Variants in SPOCK3 observed in about 807,000 individuals in gnomAD.
The protein encoded by SPOCK3 is testican-3.
Under a neutral mutation model 56.6 loss-of-function variants are expected in SPOCK3, and 30 were observed. That is an observed-to-expected ratio of 0.53 (90% CI 0.40 to 0.72). The LOEUF is 0.72. Ranked by LOEUF, SPOCK3 falls within the 30% of genes least tolerant of loss-of-function variation. The pLI is 0.00. For synonymous variants in SPOCK3, 196 were observed against 183.3 expected, an observed-to-expected ratio of 1.07 and a Z score of -0.56; for missense variants, 527 against 530.0, an observed-to-expected ratio of 0.99 and a Z score of 0.06.
chr4:167,175,152 C>G (rs1239289648), intron 2 of SPOCK3, among the ~76,000 whole-genome samples: 1 of 152,088 alleles, frequency 6.6e-6, no homozygotes, highest in Admixed American at 6.6e-5. Flanking sequence ...TCTGATGCCA[C>G]TAAAGGAAAT....
At chr4:166,902,547 T>C (rs1465666724) in intron 5 of SPOCK3, among the ~76,000 whole-genome samples, 4 of 151,948 alleles carry the variant, frequency 2.6e-5, no homozygotes, top group Admixed American at 6.6e-5. Context: ...CCTTTTTGGG[T>C]TATTTTTCAG....
intron 6 of SPOCK3, among the ~76,000 whole-genome samples, chr4:166,826,102 AG>A (rs775454690): frequency 2.0e-5 from 3 of 152,134 alleles, no homozygotes; most frequent in Non-Finnish European, 4.4e-5. Context: ...GATGTGGGTA[AG>A]GATTAGATAA....
intron 6 of SPOCK3, among the ~76,000 whole-genome samples, chr4:166,852,219 G>A (rs1730197404): frequency 6.6e-6 from 1 of 151,984 alleles, no homozygotes; most frequent in Non-Finnish European, 1.5e-5. Context: ...AGTGGGTGCA[G>A]CACACCAGCA....
At chr4:167,194,775 G>C (rs1732782034) in intron 2 of SPOCK3, among the ~76,000 whole-genome samples, 1 of 152,158 alleles carries the variant, frequency 6.6e-6, no homozygotes, top group South Asian at 2.1e-4. Context: ...ATTGTCTCCA[G>C]GACCTTGGCC....
At chr4:167,010,766 T>C (rs1373281796) in intron 3 of SPOCK3, among the ~76,000 whole-genome samples, 1 of 152,082 alleles carries the variant, frequency 6.6e-6, no homozygotes, top group African/African-American at 2.4e-5. Flanking sequence ...AATTTGATGA[T>C]TTGAAATTAG....
At chr4:166,887,982 G>A (rs5028425) in intron 6 of SPOCK3, among the ~76,000 whole-genome samples, 109,216 of 151,898 alleles carry the variant, frequency 0.72, 39,566 homozygotes, top group South Asian at 0.79. Flanking sequence ...TTTCAAATCG[G>A]CTAATTTATT....
chr4:166,906,483 A>T (rs74807736), intron 5 of SPOCK3, among the ~76,000 whole-genome samples: 3 of 45,904 alleles, frequency 6.5e-5, no homozygotes, highest in Non-Finnish European at 1.4e-4. Flanking sequence ...TTGGCTACAT[A>T]AAAAAAAAAA....
intron 7 of SPOCK3, among the ~76,000 whole-genome samples, chr4:166,776,636 G>C (rs1367786141): frequency 1.3e-5 from 2 of 152,028 alleles, no homozygotes; most frequent in African/African-American, 4.8e-5. Context: ...TTAGCTGGCA[G>C]GTACAGCTTA....
chr4:167,209,981 G>C (rs1445308213), intron 2 of SPOCK3, among the ~76,000 whole-genome samples: 1 of 152,082 alleles, frequency 6.6e-6, no homozygotes, highest in Admixed American at 6.6e-5. Flanking sequence ...AACTGCAAAA[G>C]TCTTCCTCTG....
At chr4:166,982,777 T>A (rs1313134872) in intron 4 of SPOCK3, among the ~76,000 whole-genome samples, 1 of 152,186 alleles carries the variant, frequency 6.6e-6, no homozygotes, top group Non-Finnish European at 1.5e-5. Context: ...ACATAACATG[T>A]AAAACTCAAG....
chr4:167,176,734 G>T (rs1022640574), intron 2 of SPOCK3, among the ~76,000 whole-genome samples: 1 of 152,068 alleles, frequency 6.6e-6, no homozygotes, highest in African/African-American at 2.4e-5. Flanking sequence ...ACTGGACAGG[G>T]TAGAAATAAG....
intron 2 of SPOCK3, among the ~76,000 whole-genome samples, chr4:167,152,999 C>T (rs1308073120): frequency 1.3e-5 from 2 of 152,128 alleles, no homozygotes; most frequent in Non-Finnish European, 2.9e-5. Context: ...TCATATCTAT[C>T]ATTTATTGAT....
chr4:166,841,771 T>C (rs558146348), intron 6 of SPOCK3, among the ~76,000 whole-genome samples: 1 of 152,376 alleles, frequency 6.6e-6, no homozygotes, highest in African/African-American at 2.4e-5. Context: ...GTACAGCCTA[T>C]ATGATGCCTT....
rs1560881963 is a variant in SPOCK3 at position 166,809,655 on chromosome 4, A to G, written c.590-17366T>C. 2.0e-5 allele frequency among the ~76,000 whole-genome samples: 3 copies of G among 152,074 alleles called. No individual in the cohort carries two copies. The South Asian group carries it at 6.2e-4, about 31-fold the overall frequency. ...TGTTTTTGCTTCATCAATACGATAA[A>G]GCTAATGACATTTACTTTGCTATGT... is the stretch of plus-strand genomic sequence containing the variant. On this transcript the variant is annotated intron_variant, in intron 6 of 10. Coordinates refer to ENST00000357545, the MANE Select transcript of SPOCK3 (RefSeq NM_001040159.2).
At chr4:167,147,803 C>T (rs1764092121) in intron 2 of SPOCK3, among the ~76,000 whole-genome samples, 1 of 151,980 alleles carries the variant, frequency 6.6e-6, no homozygotes, top group African/African-American at 2.4e-5. Context: ...ACACCAGGGC[C>T]CGTCCGGAGG....
At chr4:166,889,747 C>T (rs1734578851) in intron 5 of SPOCK3, among the ~76,000 whole-genome samples, 1 of 151,754 alleles carries the variant, frequency 6.6e-6, no homozygotes, top group African/African-American at 2.4e-5. Flanking sequence ...CTTGTATCCC[C>T]CAGGCAAAGA....
At chr4:166,789,736 A>G (rs1266705158) in intron 7 of SPOCK3, among the ~76,000 whole-genome samples, 3 of 152,216 alleles carry the variant, frequency 2.0e-5, no homozygotes, top group Non-Finnish European at 2.9e-5. Flanking sequence ...ATGAAATATA[A>G]TGGCATATTC....
At chr4:167,180,568 T>C (rs1457539689) in intron 2 of SPOCK3, among the ~76,000 whole-genome samples, 1 of 152,216 alleles carries the variant, frequency 6.6e-6, no homozygotes, top group African/African-American at 2.4e-5. Flanking sequence ...TACTGAGGTC[T>C]ATAAGGTGGT....
At chr4:166,853,682 A>T (rs2126881950) in intron 6 of SPOCK3, among the ~76,000 whole-genome samples, 1 of 152,314 alleles carries the variant, frequency 6.6e-6, no homozygotes, top group East Asian at 1.9e-4. Flanking sequence ...CAGGAGTTCC[A>T]GACCAGCCTG....
Sources: allele counts gnomAD v4.1 joint callset (sites outside exome capture counted in the v4.1 genomes callset), GRCh38; gene constraint gnomAD v4.1.1; transcripts MANE v1.5; gene names NCBI Gene and HGNC (gene_info 2026-07-23, HGNC 2026-07-21).